NCAM2: variants seen among roughly 807,000 people sequenced by gnomAD.
NCAM2 encodes the protein neural cell adhesion molecule 2.
NCAM2 carries 30 observed loss-of-function variants against 98.1 expected under a neutral mutation model. The ratio of observed to expected loss-of-function variants is 0.31; its 90% CI spans 0.23 to 0.41. NCAM2 has a LOEUF of 0.41. NCAM2 is among the 10% of genes least tolerant of loss of function. The pLI, the probability that NCAM2 is intolerant of heterozygous loss-of-function variation, is 1.00. For synonymous variants in NCAM2, 368 were observed against 342.4 expected (o/e 1.07, Z -0.83); for missense variants, 867 against 1,005.8 (o/e 0.86, Z 1.87).
intron 11 of NCAM2, among the ~76,000 whole-genome samples, chr21:21,421,055 T>C (rs896972653): frequency 1.3e-5 from 2 of 151,710 alleles, no homozygotes; most frequent in African/African-American, 4.8e-5. Flanking sequence ...GTTATTAATA[T>C]TGATCCAGTA....
chr21:21,051,885 T>G (rs1350010168), intron 1 of NCAM2, among the ~76,000 whole-genome samples: 1 of 152,214 alleles, frequency 6.6e-6, no homozygotes, highest in African/African-American at 2.4e-5. Flanking sequence ...GTGGCACAGA[T>G]AAGCGACTGC....
chr21:21,284,408 A>C lies in NCAM2; in HGVS notation c.337+8A>C. 1 of 1,585,064 alleles carries C rather than the reference A, an allele frequency of 6.3e-7. No individual in the cohort carries two copies. Among genetic ancestry groups the C allele is most frequent in the Non-Finnish European group, 8.7e-7 (1 of 1,155,628 alleles). On this transcript the variant is annotated splice_region_variant and intron_variant, in intron 3 of 17. Coordinates refer to ENST00000400546, the MANE Select transcript of NCAM2 (RefSeq NM_004540.5). ...TAGTTTTGGAAATTTACCGTAAGTA[A>C]TGTATTTATATGTTTTAGTTTATTC... is the stretch of plus-strand genomic sequence containing the variant.
chr21:21,075,840 G>C (rs1235598765), intron 1 of NCAM2, among the ~76,000 whole-genome samples: 1 of 152,096 alleles, frequency 6.6e-6, no homozygotes, highest in Admixed American at 6.6e-5. Context: ...TGATTGGCCG[G>C]GTGTGGTGGC....
At chr21:21,348,507 A>T (rs778343711) in intron 8 of NCAM2, among the ~76,000 whole-genome samples, 200 of 152,276 alleles carry the variant, frequency 1.3e-3, no homozygotes, top group Non-Finnish European at 2.4e-3. Flanking sequence ...CAATATTTTT[A>T]AAATGTCCAT....
chr21:21,483,522 A>G (rs1986080341), intron 15 of NCAM2, among the ~76,000 whole-genome samples: 2 of 152,082 alleles, frequency 1.3e-5, no homozygotes, highest in Admixed American at 1.3e-4. Context: ...TAAATCCTTC[A>G]TCACTAGATA....
chr21:21,404,234 A>T (rs138658125), intron 9 of NCAM2, among the ~76,000 whole-genome samples: 3 of 152,324 alleles, frequency 2.0e-5, no homozygotes, highest in Non-Finnish European at 4.4e-5. Context: ...GTGTGTAAAC[A>T]ATATCAACAT....
chr21:21,323,648 AACAGTTTC>A (rs2074435098), intron 5 of NCAM2, among the ~76,000 whole-genome samples: 2 of 152,154 alleles, frequency 1.3e-5, no homozygotes, highest in African/African-American at 4.8e-5. Flanking sequence ...GCATTTCAGT[AACAGTTTC>A]AACATGTTCC....
chr21:21,205,735 A>T (rs186924956), intron 1 of NCAM2, among the ~76,000 whole-genome samples: 3 of 152,268 alleles, frequency 2.0e-5, no homozygotes, highest in Admixed American at 2.0e-4. Flanking sequence ...GAGGTAGCCT[A>T]TAAGCAGCAG....
intron 4 of NCAM2, among the ~76,000 whole-genome samples, chr21:21,286,628 A>G (rs2073111760): frequency 6.6e-6 from 1 of 151,868 alleles, no homozygotes; most frequent in Non-Finnish European, 1.5e-5. Context: ...ATCAAAACAC[A>G]GTTATGCCCG....
At chr21:21,412,222 C>T (rs116369331) in intron 10 of NCAM2, among the ~76,000 whole-genome samples, 1,718 of 152,270 alleles carry the variant, frequency 0.011, 34 homozygotes, top group African/African-American at 0.039. Flanking sequence ...TGTGTCCTCA[C>T]ATGCCCTTTC....
intron 1 of NCAM2, among the ~76,000 whole-genome samples, chr21:21,227,897 G>T (rs983058805): frequency 6.6e-6 from 1 of 151,738 alleles, no homozygotes. Context: ...GATCTTTTAT[G>T]ATTGTTAAGT....
chr21:21,071,899 C>G (rs1415999889), intron 1 of NCAM2, among the ~76,000 whole-genome samples: 1 of 150,322 alleles, frequency 6.7e-6, no homozygotes, highest in East Asian at 1.9e-4. Context: ...ATCTATCTAT[C>G]TATCTATCTA....
At chr21:21,490,317 G>GT (rs1351263666) in intron 15 of NCAM2, among the ~76,000 whole-genome samples, 3 of 151,784 alleles carry the variant, frequency 2.0e-5, no homozygotes, top group African/African-American at 7.2e-5. Context: ...CATCTCCTTT[G>GT]TTGGTAGACT....
intron 11 of NCAM2, among the ~76,000 whole-genome samples, chr21:21,428,507 G>T (rs1188683132): frequency 6.6e-6 from 1 of 152,178 alleles, no homozygotes; most frequent in Non-Finnish European, 1.5e-5. Context: ...GATTGATTTT[G>T]CATTTGCATG....
intron 1 of NCAM2, among the ~76,000 whole-genome samples, chr21:21,204,970 A>G (rs1212295187): frequency 6.6e-6 from 1 of 152,088 alleles, no homozygotes; most frequent in Non-Finnish European, 1.5e-5. Context: ...TTCTAAGCAC[A>G]CATATCATTC....
chr21:21,374,130 C>A, intron 9 of NCAM2, 117 bp downstream of exon 9: 3 of 885,118 alleles, frequency 3.4e-6, no homozygotes, highest in Non-Finnish European at 3.3e-6. Flanking sequence ...TAATGCATAG[C>A]TTTAGAGGAA....
At chr21:21,315,563 C>CA (rs1375366579) in intron 5 of NCAM2, among the ~76,000 whole-genome samples, 1 of 152,152 alleles carries the variant, frequency 6.6e-6, no homozygotes, top group Non-Finnish European at 1.5e-5. Context: ...TGTCATCTCT[C>CA]AGAGAATTGG....
At chr21:21,489,749 A>G (rs1016104671) in intron 15 of NCAM2, among the ~76,000 whole-genome samples, 1 of 152,154 alleles carries the variant, frequency 6.6e-6, no homozygotes, top group African/African-American at 2.4e-5. Flanking sequence ...GTATTGTTTA[A>G]TCATTAATAT....
chr21:21,034,779 A>G (rs2064764105), intron 1 of NCAM2, among the ~76,000 whole-genome samples: 2 of 152,196 alleles, frequency 1.3e-5, no homozygotes, highest in South Asian at 4.1e-4. Flanking sequence ...CCTCATCTAC[A>G]AAACATATTT....
Sources: gnomAD v4.1 joint callset for allele counts (sites outside exome capture counted in the v4.1 genomes callset) on GRCh38, gnomAD v4.1.1 for gene constraint, MANE v1.5 for transcripts, NCBI Gene and HGNC (gene_info 2026-07-23, HGNC 2026-07-21) for gene names.